ZC3H14: variants seen among roughly 807,000 people sequenced by gnomAD.
The protein encoded by ZC3H14 is zinc finger CCCH domain-containing protein 14.
ZC3H14 carries 31 observed loss-of-function variants against 92.4 expected under a neutral mutation model. The observed-to-expected ratio is 0.34, with a 90% CI of 0.25 to 0.45. The LOEUF is 0.45. ZC3H14 is among the 20% of genes least tolerant of loss of function. ZC3H14 has a pLI of 1.00. For missense variants in ZC3H14, 781 were observed against 897.3 expected, an observed-to-expected ratio of 0.87 and a Z score of 1.66; for synonymous variants, 321 against 300.9, an observed-to-expected ratio of 1.07 and a Z score of -0.69.
chr14:88,623,819 G>A lies in ZC3H14; in HGVS notation c.*12068G>A, dbSNP rs2089485478. 6.6e-6 allele frequency: 1 copy of A among 152,222 alleles called. No homozygotes were observed. The highest frequency in any genetic ancestry group is 2.1e-4 in the South Asian group (1 of 4,834). The allele number at this position is 152,222 out of a possible 1,614,324, so 9.4% of individuals were successfully genotyped here. ...GGCTTCTAGTGAGTGGGGGTGTGCA[G>A]GAGTAAATGACGTGGGAAATACAAG... On this transcript the variant is annotated 3_prime_UTR_variant, in exon 17 of 17. Coordinates refer to ENST00000251038, the MANE Select transcript of ZC3H14 (RefSeq NM_024824.5).
chr14:88,606,860 G>C (rs1347052427), intron 12 of ZC3H14, among the ~76,000 whole-genome samples: 1 of 151,732 alleles, frequency 6.6e-6, no homozygotes, highest in Non-Finnish European at 1.5e-5. Context: ...TCTTGCTGGC[G>C]TGTGAGGATT....
At chr14:88,576,151 C>T (rs2081129226) in intron 8 of ZC3H14, among the ~76,000 whole-genome samples, 1 of 152,122 alleles carries the variant, frequency 6.6e-6, no homozygotes, top group Non-Finnish European at 1.5e-5. Context: ...TTTTCAAGCA[C>T]CATATAATGC....
chr14:88,567,138 CAG>C (rs1170366957), intron 2 of ZC3H14, among the ~76,000 whole-genome samples: 1 of 36,872 alleles, frequency 2.7e-5, no homozygotes, highest in Non-Finnish European at 6.9e-5. Flanking sequence ...TTTTTTGAGA[CAG>C]AGTCTTGCTC....
intron 9 of ZC3H14, among the ~76,000 whole-genome samples, chr14:88,581,377 G>A (rs2081890021): frequency 6.6e-6 from 1 of 152,052 alleles, no homozygotes; most frequent in Admixed American, 6.6e-5. Flanking sequence ...TGGCCAGTGT[G>A]GTGAAACCCC....
chr14:88,564,508 C>T (rs1156644801), intron 2 of ZC3H14, among the ~76,000 whole-genome samples: 1 of 152,170 alleles, frequency 6.6e-6, no homozygotes, highest in African/African-American at 2.4e-5. Flanking sequence ...CCACTAATGA[C>T]AGTGGTTCTC....
intron 9 of ZC3H14, among the ~76,000 whole-genome samples, chr14:88,580,859 A>G (rs1428545600): frequency 2.0e-5 from 3 of 152,260 alleles, no homozygotes. Context: ...AGAAAAGGAA[A>G]GGTAGATTAT....
In ZC3H14 at chr14:88,572,151, T is replaced by A. The variant is rs752699787; in HGVS notation, c.357T>A (p.Ile119=). 1 of 1,614,124 alleles carries A rather than the reference T, an allele frequency of 6.2e-7. No homozygotes were observed. The highest frequency in any genetic ancestry group is 8.5e-7 in the Non-Finnish European group (1 of 1,180,028). Residue 119 remains isoleucine, a synonymous_variant, in exon 5 of 17, where the codon ATT becomes ATA. Transcript: ENST00000251038. ...RHEAAVPPLA[I]PSARPEKRDS... ...AAGCTGCAGTGCCACCACTTGCCAT[T>A]CCTAGCGCGAGACCTGAAAAAAGAG...
rs982799125 is a variant in ZC3H14 at position 88,616,964 on chromosome 14, CTAAG to C, written c.*5216_*5219del. ...CAAAAAGTTTCTTGGCAATTAATCT[CTAAG>C]TACCCTATCATGTTACTTAAAATAC... On this transcript the variant is annotated 3_prime_UTR_variant, in exon 17 of 17. Transcript: ENST00000251038. 4.3e-5 allele frequency: 55 copies of C among 1,271,954 alleles called. No homozygotes were observed. The African/African-American group carries it at 5.6e-4, about 13-fold the overall frequency. The allele number at this position is 1,271,954 out of a possible 1,614,324, so 78.8% of individuals were successfully genotyped here.
At chr14:88,599,554 G>A (rs1210429230) in intron 10 of ZC3H14, among the ~76,000 whole-genome samples, 5 of 152,054 alleles carry the variant, frequency 3.3e-5, no homozygotes, top group Admixed American at 1.3e-4. Flanking sequence ...ACCGGTGCAC[G>A]CTTTCCTCAA....
intron 13 of ZC3H14, among the ~76,000 whole-genome samples, 161 bp downstream of exon 13, chr14:88,607,524 C>T (rs1344383155): frequency 6.8e-6 from 1 of 146,252 alleles, no homozygotes; most frequent in Non-Finnish European, 1.5e-5. Context: ...TCCCATCTCA[C>T]CCTGCAAGTA....
In ZC3H14 at chr14:88,574,792, T is replaced by G. The variant is rs1445880253; in HGVS notation, c.961T>G (p.Tyr321Asp). The change falls in exon 7 of 17, where the codon TAC becomes GAC. Residue 321 changes from tyrosine (Y) to aspartate (D), a missense_variant. By Grantham distance (160) the Tyr-to-Asp change is radical (BLOSUM62 -3). Transcript: ENST00000251038. ...AGAAGAGGAGGAAGAAGATGATGAT[T>G]ACGGGTCTCGAACAGGAAGCATCTC... Reference protein sequence around the residue: ...DGEEEEEDDDYGSRTGSISSS... With the variant: ...DGEEEEEDDDDGSRTGSISSS... 1 of 1,614,212 alleles carries G rather than the reference T, an allele frequency of 6.2e-7. No individual in the cohort carries two copies. The highest frequency in any genetic ancestry group is 1.7e-5 in the Admixed American group (1 of 60,030).
chr14:88,615,909 A>G lies in ZC3H14; in HGVS notation c.*4158A>G. ...TTAATTATGTTTTTAGATTTTCATA[A>G]CAGTTTAATATTTTTCAGTTGTGCT... On this transcript the variant is annotated 3_prime_UTR_variant, in exon 17 of 17. Transcript: ENST00000251038. The G allele has an allele frequency of 6.4e-7, 1 of 1,562,040 alleles. No individual in the cohort carries two copies. Among genetic ancestry groups the G allele is most frequent in the Non-Finnish European group, 8.7e-7 (1 of 1,149,096 alleles).
rs533340086 is a variant in ZC3H14, at chr14:88,612,741, A to AAGAT, written c.*997_*1000dup. 1 of 152,764 alleles carries AAGAT rather than the reference A, an allele frequency of 6.5e-6. No individual in the cohort carries two copies. Among genetic ancestry groups the AAGAT allele is most frequent in the Admixed American group, 6.5e-5 (1 of 15,300 alleles). 9.5% of individuals were successfully genotyped at this position (152,764 alleles called of 1,614,324 possible). On this transcript the variant is annotated 3_prime_UTR_variant, in exon 17 of 17. Coordinates refer to ENST00000251038, the MANE Select transcript of ZC3H14 (RefSeq NM_024824.5). ...AGATCAGATCAGATAGGTAAACTGCAAGATAGATAGGATGAAACTTTTGGC... is the reference window on the plus strand; with the variant it reads ...AGATCAGATCAGATAGGTAAACTGCAAGATAGATAGATAGGATGAAACTTTTGGC...
rs2089966857 is a variant in ZC3H14 at position 88,626,521 on chromosome 14, G to A, written c.*14770G>A. On this transcript the variant is annotated 3_prime_UTR_variant, in exon 17 of 17. Coordinates refer to ENST00000251038, the MANE Select transcript of ZC3H14 (RefSeq NM_024824.5). ...GCCCTGTAGTCCCAGCTACTAAGGA[G>A]GCTGAGGATCACTTGAACCTGGGAG... The A allele has an allele frequency of 3.6e-6, 1 of 280,774 alleles. No homozygotes were observed. Among genetic ancestry groups the A allele is most frequent in the Non-Finnish European group, 6.8e-6 (1 of 146,552 alleles). 17.4% of individuals were successfully genotyped at this position (280,774 alleles called of 1,614,324 possible).
rs1298635678 is a variant in ZC3H14 at position 88,618,111 on chromosome 14, C to T, written c.*6360C>T. ...AACATACCATTTCAAAATATGGTAA[C>T]AAAAACTTGAAACTCAATTACTATT... On this transcript the variant is annotated 3_prime_UTR_variant, in exon 17 of 17. Coordinates refer to ENST00000251038, the MANE Select transcript of ZC3H14 (RefSeq NM_024824.5). The T allele has an allele frequency of 9.6e-6, 7 of 730,378 alleles. No individual in the cohort carries two copies. Among genetic ancestry groups the T allele is most frequent in the Non-Finnish European group, 1.5e-5 (7 of 462,154 alleles). The allele number at this position is 730,378 out of a possible 1,614,324, so 45.2% of individuals were successfully genotyped here.
At chr14:88,563,848 C>T (rs915939700) in intron 2 of ZC3H14, among the ~76,000 whole-genome samples, 155 bp downstream of exon 2, 3 of 152,162 alleles carry the variant, frequency 2.0e-5, no homozygotes, top group African/African-American at 7.2e-5. Context: ...TCTTTATCAT[C>T]TTTTTGCAAC....
At chr14:88,607,831 TC>T (rs2085763422) in intron 13 of ZC3H14, among the ~76,000 whole-genome samples, 2 of 70,294 alleles carry the variant, frequency 2.8e-5, no homozygotes, top group Admixed American at 2.0e-4. Flanking sequence ...GCAAGTACCA[TC>T]CCCCACCTCA....
At chr14:88,574,464 C>T (rs2080901748) in intron 6 of ZC3H14, 2 of 469,784 alleles carry the variant, frequency 4.3e-6, no homozygotes, top group South Asian at 4.2e-5. Context: ...AGGCTGGTCT[C>T]GAAATCCTGA....
intron 9 of ZC3H14, chr14:88,595,048 A>G (rs772690894): frequency 3.7e-6 from 6 of 1,613,576 alleles, no homozygotes; most frequent in Non-Finnish European, 5.1e-6. Flanking sequence ...AGAAGAAGAT[A>G]CTGAATCACA....
Sources: allele counts gnomAD v4.1 joint callset (sites outside exome capture counted in the v4.1 genomes callset), GRCh38; gene constraint gnomAD v4.1.1; transcripts MANE v1.5; gene names NCBI Gene and HGNC (gene_info 2026-07-23, HGNC 2026-07-21).